The following DGKB variants were observed in gnomAD, a reference collection of about 807,000 sequenced individuals.
DGKB encodes 90 kDa diacylglycerol kinase.
In DGKB, 67 loss-of-function variants were observed where a neutral mutation model predicts 114.3. The ratio of observed to expected loss-of-function variants is 0.59; its 90% confidence interval spans 0.48 to 0.72. DGKB has a LOEUF of 0.72. DGKB is among the 30% of genes least tolerant of loss of function. The probability of loss-of-function intolerance (pLI) is 0.00; values close to 1 mark genes in which losing one functional copy is unlikely to be tolerated. For missense variants in DGKB, 907 were observed against 975.2 expected (o/e 0.93, Z 0.93); for synonymous variants, 398 against 323.1 (o/e 1.23, Z -2.49).
intron 2 of DGKB, among the ~76,000 whole-genome samples, chr7:14,790,137 T>C (rs1840458627): frequency 6.6e-6 from 1 of 152,346 alleles, no homozygotes; most frequent in African/African-American, 2.4e-5. Flanking sequence ...CTAATTAGAT[T>C]GTTTGTTTTG....
At chr7:14,441,347 C>T (rs961584601) in intron 21 of DGKB, among the ~76,000 whole-genome samples, 1 of 152,014 alleles carries the variant, frequency 6.6e-6, no homozygotes, top group Non-Finnish European at 1.5e-5. Context: ...GCTTGTCTTC[C>T]TCTTCATATT....
In DGKB at chr7:14,637,689, TA is replaced by T. The variant is rs537405999; in HGVS notation, c.1135-7422del. Among the ~76,000 whole-genome samples, 56 of 151,922 alleles carry T rather than the reference TA, an allele frequency of 3.7e-4. 2 individuals are homozygous for T. The South Asian group carries it at 9.7e-3, about 26-fold the overall frequency. ...CTGGTATAATATTCTATTCAGACAC[TA>T]AACTCATCTTGGTGGAGACCAAAAG... On this transcript the variant is annotated intron_variant, in intron 13 of 25. Transcript: ENST00000402815.
intron 23 of DGKB, among the ~76,000 whole-genome samples, chr7:14,232,202 C>T (rs78585528): frequency 1.1e-4 from 16 of 151,944 alleles, no homozygotes; most frequent in African/African-American, 3.9e-4. Flanking sequence ...GGAGATTAGA[C>T]ATTCACGCTC....
intron 23 of DGKB, among the ~76,000 whole-genome samples, chr7:14,228,504 C>G (rs919676783): frequency 1.4e-4 from 21 of 151,820 alleles, no homozygotes; most frequent in African/African-American, 5.1e-4. Flanking sequence ...AATCTGAAAA[C>G]AATTTTAGAG....
intron 1 of DGKB, among the ~76,000 whole-genome samples, chr7:14,862,256 C>T (rs1851088505): frequency 6.6e-6 from 1 of 151,998 alleles, no homozygotes; most frequent in Admixed American, 6.6e-5. Context: ...TTAATTAACA[C>T]ATTCATCACC....
At chr7:14,443,258 C>G (rs547567041) in intron 21 of DGKB, among the ~76,000 whole-genome samples, 1 of 152,290 alleles carries the variant, frequency 6.6e-6, no homozygotes, top group South Asian at 2.1e-4. Flanking sequence ...CCCATCACTT[C>G]TCTCCAAAGT....
chr7:14,163,114 A>G (rs757950985), intron 25 of DGKB, among the ~76,000 whole-genome samples: 2 of 152,208 alleles, frequency 1.3e-5, no homozygotes, highest in African/African-American at 2.4e-5. Flanking sequence ...CCAAAATGGA[A>G]ATTATATATT....
intron 4 of DGKB, among the ~76,000 whole-genome samples, chr7:14,750,415 C>G (rs1385788217): frequency 6.6e-6 from 1 of 152,188 alleles, no homozygotes; most frequent in Non-Finnish European, 1.5e-5. Context: ...GTTGTGTTGA[C>G]TGTAACTGTT....
At chr7:14,369,218 G>C (rs1170313097) in intron 21 of DGKB, among the ~76,000 whole-genome samples, 1 of 152,028 alleles carries the variant, frequency 6.6e-6, no homozygotes, top group African/African-American at 2.4e-5. Flanking sequence ...ATGATTTCCA[G>C]CTTCATCCAT....
intron 6 of DGKB, among the ~76,000 whole-genome samples, chr7:14,711,319 T>C (rs1483754258): frequency 1.3e-5 from 2 of 152,044 alleles, no homozygotes; most frequent in Non-Finnish European, 2.9e-5. Context: ...AAGTACCATA[T>C]ACTCTAAATA....
intron 1 of DGKB, among the ~76,000 whole-genome samples, chr7:14,889,128 G>A (rs1442145732): frequency 6.6e-6 from 1 of 151,678 alleles, no homozygotes; most frequent in Non-Finnish European, 1.5e-5. Flanking sequence ...ACTCAGCTAT[G>A]TTTAGCATTC....
intron 2 of DGKB, among the ~76,000 whole-genome samples, chr7:14,781,944 T>C (rs530217868): frequency 3.9e-5 from 6 of 152,250 alleles, no homozygotes; most frequent in South Asian, 2.1e-4. Context: ...GACACAGAGT[T>C]TTGCCATCTT....
chr7:14,333,460 T>TAAAA (rs36112659), intron 23 of DGKB, among the ~76,000 whole-genome samples: 1 of 125,800 alleles, frequency 7.9e-6, no homozygotes. Context: ...GACTCCGTCT[T>TAAAA]AAAAAAAAAA....
chr7:14,703,442 T>C (rs914750564), intron 6 of DGKB, among the ~76,000 whole-genome samples: 2 of 152,222 alleles, frequency 1.3e-5, no homozygotes, highest in African/African-American at 4.8e-5. Context: ...AACTTCTTCC[T>C]ATTTTCTGAA....
chr7:14,568,942 T>C (rs1258430188), intron 20 of DGKB, among the ~76,000 whole-genome samples: 2 of 152,230 alleles, frequency 1.3e-5, no homozygotes, highest in Non-Finnish European at 2.9e-5. Flanking sequence ...ACAAACTACG[T>C]GCTCATCTGA....
intron 1 of DGKB, among the ~76,000 whole-genome samples, chr7:14,921,312 T>C (rs779570516): frequency 2.6e-5 from 4 of 152,160 alleles, no homozygotes; most frequent in Admixed American, 6.5e-5. Flanking sequence ...GAATGCAAGA[T>C]GTGTGCTGGC....
intron 23 of DGKB, among the ~76,000 whole-genome samples, chr7:14,213,121 T>A (rs908711040): frequency 6.6e-6 from 1 of 152,082 alleles, no homozygotes; most frequent in Non-Finnish European, 1.5e-5. Context: ...AAAAAAATGG[T>A]AACACATTCT....
chr7:14,364,941 G>A (rs779246871), intron 21 of DGKB, among the ~76,000 whole-genome samples: 1 of 151,846 alleles, frequency 6.6e-6, no homozygotes, highest in Admixed American at 6.6e-5. Flanking sequence ...ATCTGCAAAC[G>A]TGTCACATAA....
chr7:14,973,519 G>GTT (rs201473471), intron 1 of DGKB, among the ~76,000 whole-genome samples: 1,531 of 126,270 alleles, frequency 0.012, 28 homozygotes, highest in African/African-American at 0.043. Context: ...TTTGTTTTTT[G>GTT]TTTTTTTGTT....
Sources: allele counts gnomAD v4.1 joint callset (sites outside exome capture counted in the v4.1 genomes callset), GRCh38; gene constraint gnomAD v4.1.1; transcripts MANE v1.5; gene names NCBI Gene and HGNC (gene_info 2026-07-23, HGNC 2026-07-21).